The following PPM1H variants were observed in gnomAD, a reference collection of about 807,000 sequenced individuals.
PPM1H encodes the protein protein phosphatase 1H.
PPM1H carries 27 observed loss-of-function variants against 54.9 expected under a neutral mutation model. That is an observed-to-expected ratio of 0.49 (90% confidence interval 0.36 to 0.68). The LOEUF (loss-of-function observed/expected upper bound fraction) is 0.68, where lower values mean the gene tolerates loss of function less well. PPM1H is among the 30% of genes least tolerant of loss of function. PPM1H has a pLI of 0.00. For missense variants in PPM1H, 596 were observed against 667.8 expected, an observed-to-expected ratio of 0.89 and a Z score of 1.19; for synonymous variants, 305 against 270.8, an observed-to-expected ratio of 1.13 and a Z score of -1.24.
Position 62,771,295 on chromosome 12 carries a change from G to GACACACAC in PPM1H, c.869+16923_869+16930dup, listed in dbSNP as rs4026219. On this transcript the variant is annotated intron_variant, in intron 4 of 9. Transcript: ENST00000228705. The stretch of plus-strand genomic sequence containing the variant: ...AAATTATCATTATAAACTTTGTGAA[G>GACACACAC]ACACACACACACACACACACACACA... Among the ~76,000 whole-genome samples, 130 of 131,962 alleles carry GACACACAC rather than the reference G, an allele frequency of 9.9e-4. 1 individual carries two copies. The highest frequency in any genetic ancestry group is 7.5e-3 in the South Asian group (29 of 3,870). 86.6% of individuals were successfully genotyped at this position (131,962 alleles called of 152,430 possible). A position where few individuals can be genotyped will look rare whatever the true frequency, so the allele number is the denominator to read the frequency against.
At chr12:62,699,852 C>T (rs997909979) in intron 6 of PPM1H, among the ~76,000 whole-genome samples, 2 of 152,202 alleles carry the variant, frequency 1.3e-5, no homozygotes, top group Non-Finnish European at 2.9e-5. Flanking sequence ...AGGAACCTTA[C>T]CCAACAAGAA....
At chr12:62,747,048 C>T (rs1304564301) in intron 4 of PPM1H, among the ~76,000 whole-genome samples, 1 of 152,166 alleles carries the variant, frequency 6.6e-6, no homozygotes, top group Non-Finnish European at 1.5e-5. Context: ...GCCTCCTGGG[C>T]TCAGGTGATC....
intron 1 of PPM1H, among the ~76,000 whole-genome samples, chr12:62,895,289 C>A (rs1337672845): frequency 6.6e-6 from 1 of 152,096 alleles, no homozygotes; most frequent in African/African-American, 2.4e-5. Flanking sequence ...AGGAGATATC[C>A]CCTTTAATGT....
chr12:62,702,367 G>T (rs1166825111), intron 6 of PPM1H, among the ~76,000 whole-genome samples: 1 of 152,026 alleles, frequency 6.6e-6, no homozygotes, highest in Non-Finnish European at 1.5e-5. Context: ...TGGTTTAAAG[G>T]CAAGTTCCTC....
At chr12:62,752,461 A>G (rs2076447732) in intron 4 of PPM1H, among the ~76,000 whole-genome samples, 2 of 152,172 alleles carry the variant, frequency 1.3e-5, no homozygotes, top group African/African-American at 2.4e-5. Context: ...TCTCATTGTC[A>G]TTTCCATTCA....
chr12:62,920,919 AATTT>A (rs1338717301), intron 1 of PPM1H, among the ~76,000 whole-genome samples: 1 of 151,708 alleles, frequency 6.6e-6, no homozygotes, highest in Non-Finnish European at 1.5e-5. Flanking sequence ...GTAATTAATT[AATTT>A]ATTTATTTAT....
chr12:62,796,919 T>G (rs1313535983), intron 3 of PPM1H, among the ~76,000 whole-genome samples: 1 of 152,226 alleles, frequency 6.6e-6, no homozygotes, highest in East Asian at 1.9e-4. Flanking sequence ...TGCCTTGGTC[T>G]TTTTGATGAA....
chr12:62,854,636 C>T (rs138183616), intron 1 of PPM1H, among the ~76,000 whole-genome samples: 1,545 of 152,226 alleles, frequency 0.01, 14 homozygotes, highest in Middle Eastern at 0.041. Context: ...AAAAATGTTA[C>T]AGCACACTTA....
rs1592641985 is a variant in PPM1H at position 62,863,081 on chromosome 12, C to T, written c.246-30802G>A. 4.6e-5 allele frequency among the ~76,000 whole-genome samples: 7 copies of T among 152,098 alleles called. No individual in the cohort carries two copies. The South Asian group carries it at 1.0e-3, about 23-fold the overall frequency. ...CATCACCCAGGCTGGAGTGCAGTGG[C>T]GTGATCTCAATTCACTGCAACCTCC... On this transcript the variant is annotated intron_variant, in intron 1 of 9. Coordinates refer to ENST00000228705, the MANE Select transcript of PPM1H (RefSeq NM_020700.2).
chr12:62,852,099 G>A (rs1869212122), intron 1 of PPM1H, among the ~76,000 whole-genome samples: 1 of 151,740 alleles, frequency 6.6e-6, no homozygotes, highest in Admixed American at 6.6e-5. Flanking sequence ...CGTGGTGGCG[G>A]GCGCCTGTAA....
chr12:62,732,385 CTG>C lies in PPM1H; in HGVS notation c.954+5115_954+5116del, dbSNP rs945031853. Among the ~76,000 whole-genome samples the C allele has an allele frequency of 1.7e-4, 26 of 152,224 alleles. 1 individual carries two copies. On this transcript the variant is annotated intron_variant, in intron 5 of 9. Transcript: ENST00000228705. ...GTTCCATAATCCCCGAATGTCCAGA[CTG>C]TGCATACCAAGAACACTGAACATTC...
At chr12:62,755,222 C>T (rs2076465141) in intron 4 of PPM1H, 5 of 688,824 alleles carry the variant, frequency 7.3e-6, no homozygotes, top group South Asian at 7.0e-5. Context: ...CCCTGAGACA[C>T]TACGGTGAAG....
chr12:62,891,057 C>A (rs1464141349), intron 1 of PPM1H, among the ~76,000 whole-genome samples: 2 of 123,952 alleles, frequency 1.6e-5, no homozygotes, highest in African/African-American at 6.4e-5. Context: ...TGCAGTGAGC[C>A]AAGATCACGC....
intron 9 of PPM1H, among the ~76,000 whole-genome samples, chr12:62,654,906 T>C (rs1296313049): frequency 6.6e-6 from 1 of 152,182 alleles, no homozygotes; most frequent in Non-Finnish European, 1.5e-5. Context: ...TCCTAGGACC[T>C]GTTCTTCCTA....
intron 2 of PPM1H, among the ~76,000 whole-genome samples, chr12:62,806,793 T>C (rs2076808127): frequency 1.3e-5 from 2 of 152,330 alleles, no homozygotes; most frequent in East Asian, 3.9e-4. Context: ...CTTTTCTTTA[T>C]AAATTACCCA....
chr12:62,910,329 GC>G (rs1466652152), intron 1 of PPM1H, among the ~76,000 whole-genome samples: 3 of 152,152 alleles, frequency 2.0e-5, no homozygotes, highest in Non-Finnish European at 4.4e-5. Context: ...TTTAAGATGT[GC>G]CTATTCATAT....
intron 3 of PPM1H, among the ~76,000 whole-genome samples, chr12:62,799,726 C>T (rs1316491859): frequency 6.6e-6 from 1 of 152,122 alleles, no homozygotes; most frequent in Admixed American, 6.5e-5. Flanking sequence ...GATAGAAGTG[C>T]ATTTTATTTT....
intron 9 of PPM1H, among the ~76,000 whole-genome samples, chr12:62,655,657 A>G (rs951760754): frequency 3.3e-5 from 5 of 152,314 alleles, no homozygotes; most frequent in African/African-American, 1.2e-4. Context: ...GTACAGCTGG[A>G]GACAGCCAAT....
At chr12:62,852,757 G>A (rs1394277672) in intron 1 of PPM1H, among the ~76,000 whole-genome samples, 1 of 152,208 alleles carries the variant, frequency 6.6e-6, no homozygotes, top group Non-Finnish European at 1.5e-5. Context: ...CCTTTACAAG[G>A]GAAAGATATG....
Sources: gnomAD v4.1 joint callset for allele counts (sites outside exome capture counted in the v4.1 genomes callset) on GRCh38, gnomAD v4.1.1 for gene constraint, MANE v1.5 for transcripts, NCBI Gene and HGNC (gene_info 2026-07-23, HGNC 2026-07-21) for gene names.